Variants in AUTS2 observed in about 807,000 individuals in gnomAD.
AUTS2 encodes autism susceptibility gene 2 protein.
In AUTS2, 17 loss-of-function variants were observed where a neutral mutation model predicts 112.4. That is an observed-to-expected ratio of 0.15 (90% confidence interval 0.10 to 0.23). AUTS2 has a LOEUF of 0.23. Ranked by LOEUF, AUTS2 falls within the 10% of genes least tolerant of loss-of-function variation. The pLI is 1.00. For synonymous variants in AUTS2, 751 were observed against 702.7 expected (o/e 1.07, Z -1.09); for missense variants, 1,510 against 1,701.6 (o/e 0.89, Z 1.98).
chr7:70,416,444 G>A (rs1293688353), intron 4 of AUTS2, among the ~76,000 whole-genome samples: 2 of 152,200 alleles, frequency 1.3e-5, no homozygotes, highest in Non-Finnish European at 2.9e-5. Context: ...CTTGCTTTCG[G>A]TGGGCTCTTT....
In AUTS2 at chr7:70,606,907, A is replaced by ACGTG. The variant is rs1803810326; in HGVS notation, c.691-91659_691-91656dup. ...GTCTTTCATGGAGGACTTCTCATAC[A>ACGTG]CGTGCGCACACACACAACACATTGA... On this transcript the variant is annotated intron_variant, in intron 5 of 18. Transcript: ENST00000342771. Among the ~76,000 whole-genome samples the ACGTG allele has an allele frequency of 2.0e-5, 3 of 151,590 alleles. No individual in the cohort carries two copies. The South Asian group carries it at 6.3e-4, about 32-fold the overall frequency.
intron 5 of AUTS2, among the ~76,000 whole-genome samples, chr7:70,490,483 T>G (rs1798188622): frequency 6.6e-6 from 1 of 151,956 alleles, no homozygotes. Context: ...TGAAAAGATG[T>G]GAACCAGAAT....
chr7:70,749,358 G>A (rs545340776), intron 6 of AUTS2, among the ~76,000 whole-genome samples: 13 of 152,172 alleles, frequency 8.5e-5, no homozygotes, highest in South Asian at 4.1e-4. Context: ...TGGGCGGCAC[G>A]GGGAGGGGGG....
At chr7:70,075,676 G>T (rs986033565) in intron 2 of AUTS2, among the ~76,000 whole-genome samples, 1 of 151,996 alleles carries the variant, frequency 6.6e-6, no homozygotes, top group African/African-American at 2.4e-5. Flanking sequence ...ATAATCAAAA[G>T]GTCTGAATAC....
intron 5 of AUTS2, among the ~76,000 whole-genome samples, chr7:70,601,248 A>G (rs566294253): frequency 6.6e-6 from 1 of 152,282 alleles, no homozygotes; most frequent in South Asian, 2.1e-4. Flanking sequence ...GTGTAGTTTT[A>G]GTTTGCATTT....
intron 4 of AUTS2, among the ~76,000 whole-genome samples, chr7:70,285,977 T>G (rs552924558): frequency 1.3e-5 from 2 of 152,356 alleles, no homozygotes; most frequent in African/African-American, 4.8e-5. Flanking sequence ...GAATGTAGAC[T>G]AGCTTGTACA....
intron 4 of AUTS2, among the ~76,000 whole-genome samples, chr7:70,286,705 G>C (rs797018522): frequency 6.6e-6 from 1 of 152,196 alleles, no homozygotes; most frequent in African/African-American, 2.4e-5. Context: ...TAAGTGAAGA[G>C]TGGTAGATCC....
chr7:69,751,327 G>T (rs1006848360), intron 1 of AUTS2, among the ~76,000 whole-genome samples: 3 of 152,018 alleles, frequency 2.0e-5, no homozygotes, highest in African/African-American at 7.2e-5. Flanking sequence ...TCCATTTGTT[G>T]CATGATTTTC....
At chr7:70,776,965 G>C in intron 13 of AUTS2, 138 bp from the exon 14 acceptor site, 1 of 748,358 alleles carries the variant, frequency 1.3e-6, no homozygotes, top group South Asian at 1.5e-5. Context: ...CTGATGGAAG[G>C]CACTTGGAGA....
chr7:70,320,720 G>T (rs951851584), intron 4 of AUTS2, among the ~76,000 whole-genome samples: 3 of 152,218 alleles, frequency 2.0e-5, no homozygotes, highest in African/African-American at 7.2e-5. Flanking sequence ...AGAAATGGTG[G>T]ATGTTGACCA....
chr7:70,070,985 T>TA (rs896996716), intron 2 of AUTS2, among the ~76,000 whole-genome samples: 1 of 152,088 alleles, frequency 6.6e-6, no homozygotes, highest in African/African-American at 2.4e-5. Flanking sequence ...TGTGAAGTCT[T>TA]AAAAAAAATT....
At chr7:69,775,922 T>C (rs1288662105) in intron 1 of AUTS2, among the ~76,000 whole-genome samples, 1 of 152,164 alleles carries the variant, frequency 6.6e-6, no homozygotes, top group East Asian at 1.9e-4. Context: ...ATCCTTGAGA[T>C]TGGCCCTGGG....
intron 18 of AUTS2, among the ~76,000 whole-genome samples, chr7:70,788,410 G>A (rs772280122): frequency 2.6e-5 from 4 of 152,104 alleles, no homozygotes; most frequent in Admixed American, 6.6e-5. Flanking sequence ...ACTGATAAAA[G>A]AAAAACAAAT....
At chr7:69,892,506 T>C (rs1160039989) in intron 1 of AUTS2, among the ~76,000 whole-genome samples, 2 of 152,220 alleles carry the variant, frequency 1.3e-5, no homozygotes, top group Admixed American at 1.3e-4. Context: ...TTTTAAAAAA[T>C]ATTTTTCCAT....
chr7:70,639,646 A>G (rs1437313854), intron 5 of AUTS2, among the ~76,000 whole-genome samples: 2 of 140,544 alleles, frequency 1.4e-5, no homozygotes, highest in African/African-American at 2.7e-5. Flanking sequence ...ATAGGGAATC[A>G]GTCATCCCCA....
chr7:69,663,299 T>A (rs1410397252), intron 1 of AUTS2: 1 of 152,172 alleles, frequency 6.6e-6, no homozygotes, highest in South Asian at 2.1e-4. Context: ...TATTTATGCT[T>A]TAAACATAAA....
At chr7:70,646,833 C>G (rs999047913) in intron 5 of AUTS2, among the ~76,000 whole-genome samples, 1 of 152,192 alleles carries the variant, frequency 6.6e-6, no homozygotes, top group Non-Finnish European at 1.5e-5. Flanking sequence ...GGGCCAGGAC[C>G]GGGCCAGCCA....
At chr7:69,603,895 G>GT (rs200991875) in intron 1 of AUTS2, among the ~76,000 whole-genome samples, 5 of 151,856 alleles carry the variant, frequency 3.3e-5, no homozygotes, top group Admixed American at 1.3e-4. Flanking sequence ...TGCTATTTGG[G>GT]TTTTTTTTCT....
intron 6 of AUTS2, among the ~76,000 whole-genome samples, chr7:70,706,805 T>C (rs1408883949): frequency 1.3e-5 from 2 of 152,234 alleles, no homozygotes; most frequent in African/African-American, 4.8e-5. Flanking sequence ...AGAATAATTG[T>C]TGGACTGGCC....
Sources: gnomAD v4.1 joint callset for allele counts (sites outside exome capture counted in the v4.1 genomes callset) on GRCh38, gnomAD v4.1.1 for gene constraint, MANE v1.5 for transcripts, NCBI Gene and HGNC (gene_info 2026-07-23, HGNC 2026-07-21) for gene names.